KCNMA1: variants seen among roughly 807,000 people sequenced by gnomAD.
KCNMA1 encodes the protein Calcium-activated potassium channel subunit alpha-1.
Under a neutral mutation model 140.0 loss-of-function variants are expected in KCNMA1, and 29 were observed. The ratio of observed to expected loss-of-function variants is 0.21; its 90% CI spans 0.15 to 0.28. The LOEUF (loss-of-function observed/expected upper bound fraction) is 0.28, where lower values mean the gene tolerates loss of function less well. Among genes scored for constraint, KCNMA1 ranks in the 10% least tolerant of loss-of-function variants. KCNMA1 has a pLI of 1.00. For synonymous variants in KCNMA1, 612 were observed against 611.9 expected, an observed-to-expected ratio of 1.00 and a Z score of 0.00; for missense variants, 880 against 1,602.2, an observed-to-expected ratio of 0.55 and a Z score of 7.70.
intron 14 of KCNMA1, among the ~76,000 whole-genome samples, chr10:77,043,823 C>A (rs80204034): frequency 0.04 from 6,140 of 152,190 alleles, 161 homozygotes; most frequent in Middle Eastern, 0.061. Context: ...AGGAAGGTGG[C>A]TGCCAGGGGT....
chr10:77,598,249 G>C (rs2081511330), intron 1 of KCNMA1, among the ~76,000 whole-genome samples: 1 of 152,160 alleles, frequency 6.6e-6, no homozygotes, highest in African/African-American at 2.4e-5. Context: ...GGGATTACAG[G>C]CATGAGCCAC....
intron 2 of KCNMA1, among the ~76,000 whole-genome samples, chr10:77,295,233 G>T (rs185209785): frequency 2.0e-4 from 30 of 150,682 alleles, no homozygotes; most frequent in Admixed American, 5.3e-4. Flanking sequence ...TATAATCCCA[G>T]CTACTCCAGA....
In KCNMA1 at chr10:77,154,122, G is replaced by T. The variant is rs1597365089; in HGVS notation, c.808+29299C>A. 2.6e-5 allele frequency among the ~76,000 whole-genome samples: 4 copies of T among 152,218 alleles called. No homozygotes were observed. The South Asian group carries it at 8.3e-4, about 32-fold the overall frequency. ...TGAGTAAGTCTCAAGAAAGCTGATG[G>T]TTTTATAAGCATCTGGCATTTCCCC... On this transcript the variant is annotated intron_variant, in intron 5 of 27. Transcript: ENST00000286628.
chr10:77,220,982 T>C (rs2049443007), intron 3 of KCNMA1, among the ~76,000 whole-genome samples: 1 of 152,158 alleles, frequency 6.6e-6, no homozygotes, highest in African/African-American at 2.4e-5. Flanking sequence ...GGTGGAAGGT[T>C]TATAAATCAG....
At chr10:77,135,011 A>AAAAAAAAAAAAAAAAAAAAAAAAAAG (rs2097966514) in intron 5 of KCNMA1, among the ~76,000 whole-genome samples, 1 of 144,176 alleles carries the variant, frequency 6.9e-6, no homozygotes, top group Non-Finnish European at 1.5e-5. Flanking sequence ...AAAAAAAAAA[A>AAAAAAAAAAAAAAAAAAAAAAAAAAG]AAAAAAAAAA....
chr10:77,225,416 C>T (rs1422020292), intron 3 of KCNMA1, among the ~76,000 whole-genome samples: 1 of 152,136 alleles, frequency 6.6e-6, no homozygotes, highest in African/African-American at 2.4e-5. Context: ...CATCTTTCTC[C>T]ACCTGCCCCA....
At chr10:77,440,223 C>T (rs1025428559) in intron 1 of KCNMA1, among the ~76,000 whole-genome samples, 10 of 152,134 alleles carry the variant, frequency 6.6e-5, no homozygotes, top group Non-Finnish European at 1.2e-4. Context: ...GGGAAAGAGG[C>T]ATACTAAGGA....
At chr10:76,982,596 G>A (rs1050477115) in intron 19 of KCNMA1, among the ~76,000 whole-genome samples, 3 of 152,142 alleles carry the variant, frequency 2.0e-5, no homozygotes, top group African/African-American at 7.2e-5. Flanking sequence ...GCAGGAAAAT[G>A]TGTTTGAGGG....
At chr10:77,340,552 G>A (rs1309219590) in intron 2 of KCNMA1, among the ~76,000 whole-genome samples, 1 of 152,136 alleles carries the variant, frequency 6.6e-6, no homozygotes, top group Non-Finnish European at 1.5e-5. Context: ...ATGAGTTCAT[G>A]TCCTTTGTAG....
chr10:77,150,041 T>C (rs1470847020), intron 5 of KCNMA1: 2 of 152,178 alleles, frequency 1.3e-5, no homozygotes, highest in Non-Finnish European at 2.9e-5. Context: ...TCTCGGGCTA[T>C]GAAAATTTCT....
At chr10:77,408,671 G>T (rs1052852112) in intron 1 of KCNMA1, among the ~76,000 whole-genome samples, 1 of 152,202 alleles carries the variant, frequency 6.6e-6, no homozygotes, top group South Asian at 2.1e-4. Context: ...CTTGGGAAAA[G>T]AAAGGAACAT....
chr10:77,599,469 G>A (rs554459554), intron 1 of KCNMA1, among the ~76,000 whole-genome samples: 79 of 152,154 alleles, frequency 5.2e-4, no homozygotes, highest in Middle Eastern at 3.4e-3. Context: ...GTGGTATTGC[G>A]CTGGCTCTGA....
chr10:77,512,075 G>C (rs1391467790), intron 1 of KCNMA1, among the ~76,000 whole-genome samples: 1 of 152,308 alleles, frequency 6.6e-6, no homozygotes, highest in Admixed American at 6.5e-5. Flanking sequence ...TATGTTATCC[G>C]GGCATGAAGG....
At chr10:77,197,344 T>C (rs926641749) in intron 3 of KCNMA1, among the ~76,000 whole-genome samples, 5 of 152,226 alleles carry the variant, frequency 3.3e-5, no homozygotes, top group Non-Finnish European at 7.3e-5. Context: ...GGTCACTTGG[T>C]GCACACCCAG....
In KCNMA1 at chr10:77,314,520, G is replaced by A. The variant is rs117260022; in HGVS notation, c.541-63264C>T. Reference sequence around the variant, plus strand: ...TTGCGCCCCTGCTGAATGGCTTGGAGAAGAGCAGGAATAGTTCTAGTTATC... The same window carrying A: ...TTGCGCCCCTGCTGAATGGCTTGGAAAAGAGCAGGAATAGTTCTAGTTATC... On this transcript the variant is annotated intron_variant, in intron 2 of 27. Coordinates refer to ENST00000286628, the MANE Select transcript of KCNMA1 (RefSeq NM_001161352.2). Among the ~76,000 whole-genome samples the A allele has an allele frequency of 6.1e-4, 93 of 152,298 alleles. 2 individuals carry two copies. The East Asian group carries it at 0.014, about 24-fold the overall frequency.
At chr10:76,892,570 C>T (rs11001921) in intron 25 of KCNMA1, among the ~76,000 whole-genome samples, 23,477 of 152,196 alleles carry the variant, frequency 0.15, 2,068 homozygotes, top group Middle Eastern at 0.21. Flanking sequence ...CTAAAAAACT[C>T]AAATCAAAGT....
intron 1 of KCNMA1, among the ~76,000 whole-genome samples, chr10:77,554,022 G>C (rs1163799692): frequency 5.9e-5 from 9 of 152,030 alleles, no homozygotes; most frequent in Non-Finnish European, 2.9e-5. Context: ...GCTACGATGG[G>C]CAGCTCAGAT....
At chr10:77,175,334 A>G (rs1019826548) in intron 5 of KCNMA1, among the ~76,000 whole-genome samples, 2 of 152,230 alleles carry the variant, frequency 1.3e-5, no homozygotes, top group African/African-American at 4.8e-5. Flanking sequence ...TCATCGAGTT[A>G]TTGTGAATAT....
In KCNMA1 at chr10:77,096,902, G is replaced by T. The variant is rs951074981; in HGVS notation, c.1224-6392C>A. Among the ~76,000 whole-genome samples the T allele has an allele frequency of 5.9e-5, 9 of 152,204 alleles. 2 individuals carry two copies. ...CCTCCCAAAATGCATCTCACCATTG[G>T]TAGCCCCTGACATGATGGGAATGAA... On this transcript the variant is annotated intron_variant, in intron 9 of 27. Coordinates refer to ENST00000286628, the MANE Select transcript of KCNMA1 (RefSeq NM_001161352.2).
Sources: allele counts gnomAD v4.1 joint callset (sites outside exome capture counted in the v4.1 genomes callset), GRCh38; gene constraint gnomAD v4.1.1; transcripts MANE v1.5; gene names NCBI Gene and HGNC (gene_info 2026-07-23, HGNC 2026-07-21).